The following IQGAP1 variants were observed in gnomAD, a reference collection of about 807,000 sequenced individuals.
IQGAP1 encodes IQ motif containing GTPase activating protein 1.
IQGAP1 carries 66 observed loss-of-function variants against 215.6 expected under a neutral mutation model. That is an observed-to-expected ratio of 0.31 (90% confidence interval 0.25 to 0.38). IQGAP1 has a LOEUF of 0.38. Ranked by LOEUF, IQGAP1 falls within the 10% of genes least tolerant of loss-of-function variation. The pLI, the probability that IQGAP1 is intolerant of heterozygous loss-of-function variation, is 1.00. For missense variants in IQGAP1, 1,712 were observed against 1,997.1 expected (o/e 0.86, Z 2.72); for synonymous variants, 772 against 728.7 (o/e 1.06, Z -0.96).
In IQGAP1 at chr15:90,484,249, C is replaced by T; in HGVS notation, c.3818C>T (p.Pro1273Leu). The T allele has an allele frequency of 6.2e-7, 1 of 1,613,912 alleles. No homozygotes were observed. The highest frequency in any genetic ancestry group is 8.5e-7 in the Non-Finnish European group (1 of 1,179,902). Residue 1273 changes from proline (P) to leucine (L), a missense_variant, in exon 30 of 38, where the codon CCA becomes CTA. Physicochemically the swap from Pro to Leu is moderately conservative, Grantham distance 98. Around this residue, in one of 2 missense-constraint regions of IQGAP1, gnomAD observed 691 missense variants for 923.0 expected, o/e 0.75. Coordinates refer to ENST00000268182, the MANE Select transcript of IQGAP1 (RefSeq NM_003870.4). ...TTTTTCCAAACTGCTTGTGATGTCC[C>T]AGAGCTTCAGGATAAATTTAATGTG... ...RRFFQTACDV[P>L]ELQDKFNVDE...
chr15:90,460,315 C>A (rs1036134929), intron 15 of IQGAP1, among the ~76,000 whole-genome samples: 1 of 152,050 alleles, frequency 6.6e-6, no homozygotes, highest in African/African-American at 2.4e-5. Flanking sequence ...GCACTGTGGC[C>A]TCCTAGATCC....
chr15:90,441,672 T>C lies in IQGAP1; in HGVS notation c.816T>C (p.Asn272=), dbSNP rs1965452846. ...AGGCTAAGCAGGACAAAATGACAAA[T>C]GCTAAAAACAGGGTAAAAATGCAAC... is the stretch of plus-strand genomic sequence containing the variant. ...LYQAKQDKMT[N]AKNRTENSER... is the part of the protein sequence containing the mutation. The change falls in exon 8 of 38, where the codon AAT becomes AAC. Residue 272 remains asparagine (N), a synonymous_variant. Transcript: ENST00000268182. The C allele has an allele frequency of 6.2e-7, 1 of 1,602,748 alleles. No homozygotes were observed. Among genetic ancestry groups the C allele is most frequent in the African/African-American group, 1.3e-5 (1 of 74,332 alleles).
chr15:90,451,494 A>G (rs1005313202), intron 11 of IQGAP1, among the ~76,000 whole-genome samples: 1 of 152,122 alleles, frequency 6.6e-6, no homozygotes, highest in Non-Finnish European at 1.5e-5. Flanking sequence ...CCAAGAACCA[A>G]TCCAATCTTG....
chr15:90,442,454 A>T (rs1040106435), intron 8 of IQGAP1, among the ~76,000 whole-genome samples: 3 of 151,976 alleles, frequency 2.0e-5, no homozygotes, highest in Admixed American at 2.0e-4. Context: ...CGGGGGGGAA[A>T]AAAAAAACTT....
chr15:90,465,867 C>G (rs1270929816), intron 15 of IQGAP1, 134 bp from the exon 16 acceptor site: 1 of 702,686 alleles, frequency 1.4e-6, no homozygotes, highest in Non-Finnish European at 2.5e-6. Flanking sequence ...TTCCATTTGA[C>G]TAACCCACGT....
chr15:90,426,638 A>G (rs1965226531), intron 3 of IQGAP1, among the ~76,000 whole-genome samples: 1 of 152,116 alleles, frequency 6.6e-6, no homozygotes, highest in Non-Finnish European at 1.5e-5. Flanking sequence ...TAGAAGAAAT[A>G]ACTAGGGGAA....
chr15:90,442,804 A>G (rs1276809654), intron 8 of IQGAP1, among the ~76,000 whole-genome samples: 2 of 152,148 alleles, frequency 1.3e-5, no homozygotes, highest in African/African-American at 4.8e-5. Context: ...CCCTATCTCT[A>G]CTAAAAATAC....
chr15:90,491,707 G>T (rs187577426), intron 34 of IQGAP1, 162 bp downstream of exon 34: 1 of 620,466 alleles, frequency 1.6e-6, no homozygotes, highest in East Asian at 2.8e-5. Context: ...GGCCTTGCCC[G>T]ACCTGAGGTG....
Position 90,474,703 on chromosome 15 carries a change from A to C in IQGAP1, c.2784+10A>C. The C allele has an allele frequency of 1.9e-6, 3 of 1,597,740 alleles. No individual in the cohort carries two copies. The highest frequency in any genetic ancestry group is 2.6e-6 in the Non-Finnish European group (3 of 1,165,314). On this transcript the variant is annotated intron_variant, in intron 23 of 37. Coordinates refer to ENST00000268182, the MANE Select transcript of IQGAP1 (RefSeq NM_003870.4). ...TAAGATTACGTTGCAGGTATGGCCC[A>C]GTGCCAGCGGGGGCCTTGGAACGGT...
At chr15:90,455,993 T>C (rs950684590) in intron 14 of IQGAP1, among the ~76,000 whole-genome samples, 159 bp from the exon 15 acceptor site, 3 of 152,188 alleles carry the variant, frequency 2.0e-5, no homozygotes, top group Non-Finnish European at 4.4e-5. Context: ...TAAATACTAA[T>C]TAAAAAATGA....
chr15:90,466,059 A>G lies in IQGAP1; in HGVS notation c.1835A>G (p.Gln612Arg). ...GATGAAATTCAAGGTGGAATCTGGC[A>G]GTCCAACAAAGACACCCAAGAAGCA... ...WLDEIQGGIW[Q>R]SNKDTQEAQK... is the part of the protein sequence containing the mutation. Residue 612 changes from glutamine to arginine, a missense_variant, in exon 16 of 38, where the codon CAG becomes CGG. Gln to Arg is a conservative substitution (Grantham distance 43). This residue lies in a region of IQGAP1 where 1,021 missense variants were observed against 1,074.2 expected (regional missense o/e 0.95). Coordinates refer to ENST00000268182, the MANE Select transcript of IQGAP1 (RefSeq NM_003870.4). The G allele has an allele frequency of 6.2e-7, 1 of 1,614,168 alleles. No individual in the cohort carries two copies. The highest frequency in any genetic ancestry group is 8.5e-7 in the Non-Finnish European group (1 of 1,179,994).
intron 36 of IQGAP1, among the ~76,000 whole-genome samples, chr15:90,495,949 A>G (rs1166903878): frequency 1.3e-5 from 2 of 149,258 alleles, no homozygotes; most frequent in Admixed American, 1.3e-4. Context: ...TATTATTATT[A>G]TTTATTATTA....
At chr15:90,475,753 C>CAAAAAAA (rs746640708) in intron 23 of IQGAP1, 3 of 69,726 alleles carry the variant, frequency 4.3e-5, no homozygotes, top group African/African-American at 1.3e-4. Context: ...ACTCTATCTC[C>CAAAAAAA]AAAAAAAAAA....
chr15:90,489,125 C>CT (rs58123122), intron 33 of IQGAP1, among the ~76,000 whole-genome samples: 79 of 136,188 alleles, frequency 5.8e-4, no homozygotes, highest in Non-Finnish European at 8.6e-4. Context: ...ACCCTTGTTT[C>CT]TTTTTTTTTT....
chr15:90,491,556 C>T lies in IQGAP1; in HGVS notation c.4461+11C>T, dbSNP rs772261555. The T allele has an allele frequency of 1.2e-5, 20 of 1,610,682 alleles. No individual in the cohort carries two copies. The highest frequency in any genetic ancestry group is 9.3e-5 in the African/African-American group (7 of 74,936). ...AACGACATTGCCAGGGTACTGCATT[C>T]GGGGGACAGAGGGGACCCGGCCTTG... On this transcript the variant is annotated intron_variant, in intron 34 of 37. Coordinates refer to ENST00000268182, the MANE Select transcript of IQGAP1 (RefSeq NM_003870.4).
intron 2 of IQGAP1, among the ~76,000 whole-genome samples, chr15:90,424,279 C>G (rs935944699): frequency 6.6e-6 from 1 of 152,154 alleles, no homozygotes; most frequent in Non-Finnish European, 1.5e-5. Flanking sequence ...CATCTTTAGG[C>G]TGAATAGAGG....
intron 2 of IQGAP1, among the ~76,000 whole-genome samples, chr15:90,411,621 C>T (rs1964967112): frequency 6.6e-6 from 1 of 152,186 alleles, no homozygotes; most frequent in African/African-American, 2.4e-5. Context: ...GTTTTCTTCT[C>T]AAGAGCTGCT....
chr15:90,420,310 G>C (rs2601207), intron 2 of IQGAP1, among the ~76,000 whole-genome samples: 54,691 of 151,878 alleles, frequency 0.36, 10,479 homozygotes, highest in East Asian at 0.67. Flanking sequence ...CGGTAAGTGC[G>C]AGAGACAGGA....
At chr15:90,471,024 G>A (rs2283446) in intron 18 of IQGAP1, among the ~76,000 whole-genome samples, 3,423 of 151,848 alleles carry the variant, frequency 0.023, 93 homozygotes, top group East Asian at 0.11. Context: ...CCTTACCCTT[G>A]TGCTTGTGAC....
Sources: gnomAD v4.1 joint callset for allele counts (sites outside exome capture counted in the v4.1 genomes callset) on GRCh38, gnomAD v4.1.1 for gene constraint, gnomAD v4.1.1 regional missense constraint, MANE v1.5 for transcripts, NCBI Gene and HGNC (gene_info 2026-07-23, HGNC 2026-07-21) for gene names.